Variants in RTN4RL2 observed in about 807,000 individuals in gnomAD.
The protein encoded by RTN4RL2 is reticulon-4 receptor-like 2.
In RTN4RL2, 9 loss-of-function variants were observed where a neutral mutation model predicts 27.8. The ratio of observed to expected loss-of-function variants is 0.32; its 90% CI spans 0.20 to 0.57. The LOEUF is 0.57. Ranked by LOEUF, RTN4RL2 falls within the 20% of genes least tolerant of loss-of-function variation. The pLI is 0.90. For missense variants in RTN4RL2, 436 were observed against 596.8 expected, an observed-to-expected ratio of 0.73 and a Z score of 2.81; for synonymous variants, 285 against 297.9, an observed-to-expected ratio of 0.96 and a Z score of 0.45.
intron 2 of RTN4RL2, among the ~76,000 whole-genome samples, chr11:57,468,369 C>T (rs1943541575): frequency 6.6e-6 from 1 of 152,130 alleles, no homozygotes. Flanking sequence ...CTCTGCCTGT[C>T]TGTCTGTCTA....
At chr11:57,473,987 G>A (rs1470960357) in intron 2 of RTN4RL2, among the ~76,000 whole-genome samples, 2 of 150,000 alleles carry the variant, frequency 1.3e-5, no homozygotes, top group South Asian at 2.1e-4. Context: ...GCCCCTTATC[G>A]ATCCTCTGAC....
At position 57,473,560 on chromosome 11, in the gene RTN4RL2, C is replaced by T. The variant is rs567060187; in HGVS notation, c.514-2602C>T. 1.1e-4 allele frequency among the ~76,000 whole-genome samples: 14 copies of T among 127,816 alleles called. No homozygotes were observed. The South Asian group carries it at 1.7e-3, about 15-fold the overall frequency. The allele number at this position is 127,816 out of a possible 152,430, so 83.9% of individuals were successfully genotyped here. Reference sequence around the variant, plus strand: ...GATGACTTTAGCAGAGGCTCTCAGCCCAGAGGGAGGGGAGATAGGGAGGGG... The same window carrying T: ...GATGACTTTAGCAGAGGCTCTCAGCTCAGAGGGAGGGGAGATAGGGAGGGG... On this transcript the variant is annotated intron_variant, in intron 2 of 2. Coordinates refer to ENST00000335099, the MANE Select transcript of RTN4RL2 (RefSeq NM_178570.3).
Position 57,477,055 on chromosome 11 carries a change from G to GAGGAGCTGGGA in RTN4RL2, c.*144_*145insAGGAGCTGGGA. 2.4e-6 allele frequency: 2 copies of GAGGAGCTGGGA among 827,418 alleles called. No individual in the cohort carries two copies. Among genetic ancestry groups the GAGGAGCTGGGA allele is most frequent in the Non-Finnish European group, 3.5e-6 (2 of 567,678 alleles). 51.3% of individuals were successfully genotyped at this position (827,418 alleles called of 1,614,324 possible). A position where few individuals can be genotyped will look rare whatever the true frequency, so the allele number is the denominator to read the frequency against. On this transcript the variant is annotated 3_prime_UTR_variant, in exon 3 of 3. Coordinates refer to ENST00000335099, the MANE Select transcript of RTN4RL2 (RefSeq NM_178570.3). Reference sequence around the variant, plus strand: ...CAGCTCCTCTCCTCCCCGGGGAGCAGGCCGCCTCTCCTTGCCTGCCCCCTG... The same window carrying GAGGAGCTGGGA: ...CAGCTCCTCTCCTCCCCGGGGAGCAGAGGAGCTGGGAGCCGCCTCTCCTTGCCTGCCCCCTG...
In RTN4RL2 at chr11:57,476,786, C is replaced by T. The variant is rs748000408; in HGVS notation, c.1138C>T (p.Arg380Ter). 2 of 1,500,592 alleles carry T rather than the reference C, an allele frequency of 1.3e-6. No individual in the cohort carries two copies. The highest frequency in any genetic ancestry group is 8.8e-7 in the Non-Finnish European group (1 of 1,132,084). 93.0% of individuals were successfully genotyped at this position (1,500,592 alleles called of 1,614,324 possible). A position where few individuals can be genotyped will look rare whatever the true frequency, so the allele number is the denominator to read the frequency against. ...GGGGGGCTACGGGGGTGAGGACCAG[C>T]GAGGGGAGCAGATGTGCCCCGGCGC... ...YWGGYGGEDQ[R>*]GEQMCPGAAC... is the part of the protein sequence containing the mutation. Residue 380 changes from arginine (R) to a stop codon, truncating the protein, a stop_gained, in exon 3 of 3, where the codon CGA becomes TGA. Coordinates refer to ENST00000335099, the MANE Select transcript of RTN4RL2 (RefSeq NM_178570.3). LOFTEE classifies it high-confidence loss of function. The surrounding 1 kb of genome is among the most constrained non-coding windows in gnomAD (Gnocchi z 8.2).
At chr11:57,466,632 A>G (rs1943527531) in intron 1 of RTN4RL2, among the ~76,000 whole-genome samples, 1 of 152,160 alleles carries the variant, frequency 6.6e-6, no homozygotes, top group Admixed American at 6.5e-5. Flanking sequence ...TCCCGGCACA[A>G]AGAGGCTCTG....
At chr11:57,472,946 C>A (rs376010612) in intron 2 of RTN4RL2, among the ~76,000 whole-genome samples, 1 of 152,188 alleles carries the variant, frequency 6.6e-6, no homozygotes, top group Non-Finnish European at 1.5e-5. Flanking sequence ...GGACCCTAGG[C>A]GAGTCACTTC....
At chr11:57,463,566 G>A (rs564945753) in intron 1 of RTN4RL2, among the ~76,000 whole-genome samples, 2 of 151,900 alleles carry the variant, frequency 1.3e-5, no homozygotes, top group Non-Finnish European at 2.9e-5. Flanking sequence ...TGATGTGAGG[G>A]GTCGGCTCTA....
chr11:57,463,569 C>T (rs1016433631), intron 1 of RTN4RL2, among the ~76,000 whole-genome samples: 2 of 151,756 alleles, frequency 1.3e-5, no homozygotes, highest in African/African-American at 4.8e-5. Flanking sequence ...TGTGAGGGGT[C>T]GGCTCTAGGT....
rs185961238 is a variant in RTN4RL2, at chr11:57,462,166, G to A, written c.31+1270G>A. ...GTGCTGCCATTTATTTATCCGGCCT[G>A]GACGTTGGATTCTGCAGCCGCTGCC... On this transcript the variant is annotated intron_variant, in intron 1 of 2. Coordinates refer to ENST00000335099, the MANE Select transcript of RTN4RL2 (RefSeq NM_178570.3). 3.7e-3 allele frequency among the ~76,000 whole-genome samples: 558 copies of A among 152,168 alleles called. 4 individuals are homozygous for A. Among genetic ancestry groups the A allele is most frequent in the African/African-American group, 0.013 (540 of 41,504 alleles).
intron 2 of RTN4RL2, chr11:57,468,721 C>T: frequency 6.5e-7 from 1 of 1,536,048 alleles, no homozygotes; most frequent in East Asian, 2.4e-5. Flanking sequence ...CGGGAGAAGC[C>T]CACACCCCTT....
rs781491997 is a variant in RTN4RL2 at position 57,476,848 on chromosome 11, G to A, written c.1200G>A (p.Ala400=). Reference sequence around the variant, plus strand: ...CGCCCCCGGACTCCCGAGGCCCTGCGCTCTCGGCCGGGCTCCCCAGCCCTC... The same window carrying A: ...CGCCCCCGGACTCCCGAGGCCCTGCACTCTCGGCCGGGCTCCCCAGCCCTC... ...CQAPPDSRGP[A]LSAGLPSPLL... The change falls in exon 3 of 3, where the codon GCG becomes GCA. Residue 400 remains alanine (A), a synonymous_variant. Coordinates refer to ENST00000335099, the MANE Select transcript of RTN4RL2 (RefSeq NM_178570.3). The surrounding 1 kb of genome is among the most constrained non-coding windows in gnomAD (Gnocchi z 8.2). The A allele has an allele frequency of 4.5e-6, 7 of 1,572,128 alleles. No homozygotes were observed. Among genetic ancestry groups the A allele is most frequent in the Non-Finnish European group, 4.3e-6 (5 of 1,165,104 alleles).
At position 57,467,751 on chromosome 11, in the gene RTN4RL2, G is replaced by A. The variant is rs1943536659; in HGVS notation, c.174G>A (p.Leu58=). The change falls in exon 2 of 3, where the codon CTG becomes CTA. Residue 58 remains leucine (L), a synonymous_variant. Coordinates refer to ENST00000335099, the MANE Select transcript of RTN4RL2 (RefSeq NM_178570.3). The surrounding 1 kb of genome is among the most constrained non-coding windows in gnomAD (Gnocchi z 5.5). ...ACTTCTCCTCTGTGCCGCTGTCCCT[G>A]CCACCCAGCACTCAGCGACTCTTCC... The part of the protein sequence containing the change: ...ANNFSSVPLS[L]PPSTQRLFLQ... 2 of 1,613,232 alleles carry A rather than the reference G, an allele frequency of 1.2e-6. No individual in the cohort carries two copies. Among genetic ancestry groups the A allele is most frequent in the African/African-American group, 1.3e-5 (1 of 74,690 alleles).
At chr11:57,473,017 T>A (rs1304883933) in intron 2 of RTN4RL2, among the ~76,000 whole-genome samples, 3 of 152,176 alleles carry the variant, frequency 2.0e-5, no homozygotes, top group Non-Finnish European at 4.4e-5. Context: ...ATCCACCTCA[T>A]AGGGTTGTGA....
In RTN4RL2 at chr11:57,460,885, G is replaced by C. The variant is rs757566730; in HGVS notation, c.20G>C (p.Arg7Pro). The C allele has an allele frequency of 7.1e-7, 1 of 1,406,524 alleles. No individual in the cohort carries two copies. The highest frequency in any genetic ancestry group is 2.7e-5 in the Admixed American group (1 of 36,762). The allele number at this position is 1,406,524 out of a possible 1,614,324, so 87.1% of individuals were successfully genotyped here. The change falls in exon 1 of 3, where the codon CGC becomes CCC. Residue 7 changes from arginine (R) to proline (P), a missense_variant. By Grantham distance (103) the Arg-to-Pro change is moderately radical. Around this residue, in one of 3 missense-constraint regions of RTN4RL2, gnomAD observed 365 missense variants for 530.5 expected, o/e 0.69. Transcript: ENST00000335099. Reference sequence around the variant, plus strand: ...GACAAGATGCTGCCCGGGCTCAGGCGCCTGCTGCAAGGTAAGAACGCCAGC... The same window carrying C: ...GACAAGATGCTGCCCGGGCTCAGGCCCCTGCTGCAAGGTAAGAACGCCAGC... MLPGLR[R>P]LLQAPASACL... is the part of the protein sequence containing the mutation.
chr11:57,476,521 C>G lies in RTN4RL2; in HGVS notation c.873C>G (p.Pro291=), dbSNP rs761796838. Residue 291 remains proline (P), a synonymous_variant, in exon 3 of 3, where the codon CCC becomes CCG. Transcript: ENST00000335099. This position sits in a 1 kb window ranked among gnomAD's most constrained non-coding sequence, Gnocchi z 8.2. Reference sequence around the variant, plus strand: ...GCTCCGACGTGACCTGCGCCACCCCCCCGGAGCGCCAGGGCCGAGACCTGC... The same window carrying G: ...GCTCCGACGTGACCTGCGCCACCCCGCCGGAGCGCCAGGGCCGAGACCTGC... The part of the protein sequence containing the change: ...VSSSDVTCAT[P]PERQGRDLRA... 21 of 1,456,438 alleles carry G rather than the reference C, an allele frequency of 1.4e-5. No homozygotes were observed. The highest frequency in any genetic ancestry group is 4.4e-5 in the African/African-American group (3 of 67,466). 90.2% of individuals were successfully genotyped at this position (1,456,438 alleles called of 1,614,324 possible).
chr11:57,461,838 G>A (rs1377672602), intron 1 of RTN4RL2, among the ~76,000 whole-genome samples: 1 of 152,046 alleles, frequency 6.6e-6, no homozygotes, highest in Non-Finnish European at 1.5e-5. Context: ...GGGAACCATG[G>A]ATGGGAGAGG....
At position 57,476,699 on chromosome 11, in the gene RTN4RL2, C is replaced by A; in HGVS notation, c.1051C>A (p.Leu351Met). ...CGATCCCTCCACCCTCTACCGAGAT[C>A]TGCCTGCCGAAGACTCGCGGGGGCG... ...PADPSTLYRD[L>M]PAEDSRGRQG... Residue 351 changes from leucine to methionine, a missense_variant, in exon 3 of 3, where the codon CTG (leucine) becomes ATG (methionine). By Grantham distance (15) the Leu-to-Met change is conservative (BLOSUM62 2). Coordinates refer to ENST00000335099, the MANE Select transcript of RTN4RL2 (RefSeq NM_178570.3). This position sits in a 1 kb window ranked among gnomAD's most constrained non-coding sequence, Gnocchi z 8.2. The A allele has an allele frequency of 6.9e-7, 1 of 1,440,496 alleles. No individual in the cohort carries two copies. Among genetic ancestry groups the A allele is most frequent in the Non-Finnish European group, 9.0e-7 (1 of 1,105,602 alleles). The allele number at this position is 1,440,496 out of a possible 1,614,324, so 89.2% of individuals were successfully genotyped here.
In RTN4RL2 at chr11:57,477,191, C is replaced by G. The variant is rs936331185; in HGVS notation, c.*280C>G. On this transcript the variant is annotated 3_prime_UTR_variant, in exon 3 of 3. Coordinates refer to ENST00000335099, the MANE Select transcript of RTN4RL2 (RefSeq NM_178570.3). ...CATCCCAAGGCTGGGGTGGGGCCCC[C>G]CAGGCAGCCGCTGACCCGCACTCCT... The G allele has an allele frequency of 2.6e-6, 1 of 378,394 alleles. No homozygotes were observed. Among genetic ancestry groups the G allele is most frequent in the Non-Finnish European group, 4.7e-6 (1 of 212,554 alleles). The allele number at this position is 378,394 out of a possible 1,614,324, so 23.4% of individuals were successfully genotyped here. A position where few individuals can be genotyped will look rare whatever the true frequency, so the allele number is the denominator to read the frequency against.
intron 2 of RTN4RL2, among the ~76,000 whole-genome samples, chr11:57,470,622 C>G (rs910425581): frequency 1.3e-5 from 2 of 148,946 alleles, no homozygotes; most frequent in Admixed American, 6.6e-5. Flanking sequence ...AAATGTAAGG[C>G]ATTTAGCACA....
Sources: allele counts gnomAD v4.1 joint callset (sites outside exome capture counted in the v4.1 genomes callset), GRCh38; gene constraint gnomAD v4.1.1; regional missense constraint gnomAD v4.1.1; non-coding constraint Gnocchi (gnomAD v3.1); transcripts MANE v1.5; gene names NCBI Gene and HGNC (gene_info 2026-07-23, HGNC 2026-07-21).